MSH3: variants seen among roughly 807,000 people sequenced by gnomAD.
MSH3 encodes the protein DNA mismatch repair protein Msh3.
In MSH3, 106 loss-of-function variants were observed where a neutral mutation model predicts 123.3. That is an observed-to-expected ratio of 0.86 (90% confidence interval 0.73 to 1.01). The LOEUF (loss-of-function observed/expected upper bound fraction) is 1.01, where lower values mean the gene tolerates loss of function less well. Among genes scored for constraint, MSH3 ranks in the 50% least tolerant of loss-of-function variants. The pLI, the probability that MSH3 is intolerant of heterozygous loss-of-function variation, is 0.00. For synonymous variants in MSH3, 515 were observed against 481.4 expected, an observed-to-expected ratio of 1.07 and a Z score of -0.91; for missense variants, 1,459 against 1,347.6, an observed-to-expected ratio of 1.08 and a Z score of -1.29.
At chr5:80,837,021 G>A (rs1163049851) in intron 20 of MSH3, among the ~76,000 whole-genome samples, 1 of 152,178 alleles carries the variant, frequency 6.6e-6, no homozygotes, top group Admixed American at 6.5e-5. Context: ...TGTGCAGAAG[G>A]AGAGGAGACT....
chr5:80,715,694 A>G (rs1266567477), intron 8 of MSH3, among the ~76,000 whole-genome samples: 1 of 152,126 alleles, frequency 6.6e-6, no homozygotes, highest in Non-Finnish European at 1.5e-5. Context: ...GTCGTGGCAG[A>G]AGGTGAAGGG....
chr5:80,764,151 T>C (rs1293067159), intron 13 of MSH3, among the ~76,000 whole-genome samples: 4 of 152,242 alleles, frequency 2.6e-5, no homozygotes, highest in Non-Finnish European at 5.9e-5. Context: ...CTAAATAAGC[T>C]TCTACTGTGT....
chr5:80,793,754 A>C (rs757705257), intron 19 of MSH3, among the ~76,000 whole-genome samples: 4 of 152,180 alleles, frequency 2.6e-5, no homozygotes, highest in Non-Finnish European at 4.4e-5. Context: ...ACTCATATCA[A>C]GAAATTTGCA....
chr5:80,659,394 ACCT>A (rs1749376303), intron 2 of MSH3, among the ~76,000 whole-genome samples: 1 of 151,968 alleles, frequency 6.6e-6, no homozygotes, highest in East Asian at 1.9e-4. Context: ...ATTAACAGCC[ACCT>A]CCTGTTCTGC....
intron 20 of MSH3, among the ~76,000 whole-genome samples, chr5:80,839,853 A>G (rs1207611930): frequency 6.6e-6 from 1 of 152,202 alleles, no homozygotes; most frequent in Non-Finnish European, 1.5e-5. Flanking sequence ...ACTGAAAACT[A>G]GGAGGATTCC....
chr5:80,844,468 C>T (rs1355513259), intron 20 of MSH3, among the ~76,000 whole-genome samples: 2 of 152,136 alleles, frequency 1.3e-5, no homozygotes, highest in Admixed American at 1.3e-4. Flanking sequence ...AACCTTCTGT[C>T]TCATTGATCT....
chr5:80,852,402 A>C (rs1215221772), intron 20 of MSH3, among the ~76,000 whole-genome samples: 1 of 152,142 alleles, frequency 6.6e-6, no homozygotes, highest in Non-Finnish European at 1.5e-5. Context: ...ATGACCCCCC[A>C]AAATATTTCC....
At chr5:80,739,055 A>G (rs1743564921) in intron 10 of MSH3, among the ~76,000 whole-genome samples, 1 of 152,218 alleles carries the variant, frequency 6.6e-6, no homozygotes, top group South Asian at 2.1e-4. Flanking sequence ...CAAACTGCCC[A>G]TTCTGAGGTA....
intron 18 of MSH3, among the ~76,000 whole-genome samples, chr5:80,792,012 A>G (rs1320309144): frequency 2.0e-5 from 3 of 152,230 alleles, no homozygotes; most frequent in Non-Finnish European, 4.4e-5. Context: ...CTTGTATCAA[A>G]GTAAAAGATA....
chr5:80,732,824 C>G (rs899357134), intron 10 of MSH3, among the ~76,000 whole-genome samples: 4 of 152,128 alleles, frequency 2.6e-5, no homozygotes, highest in Admixed American at 6.5e-5. Context: ...AGATTCAACA[C>G]CCCTTCATGA....
At chr5:80,838,414 A>G (rs773179490) in intron 20 of MSH3, among the ~76,000 whole-genome samples, 3 of 152,208 alleles carry the variant, frequency 2.0e-5, no homozygotes, top group Non-Finnish European at 4.4e-5. Context: ...ATAAAGATCT[A>G]CGTCTCATGA....
intron 10 of MSH3, among the ~76,000 whole-genome samples, chr5:80,732,843 G>T (rs931722976): frequency 1.3e-5 from 2 of 152,126 alleles, no homozygotes; most frequent in African/African-American, 2.4e-5. Flanking sequence ...GATAAAAAAC[G>T]CTCAAAAAAC....
rs1580060087 is a variant in MSH3, at chr5:80,805,075, T to C, written c.2656-8509T>C. On this transcript the variant is annotated intron_variant, in intron 19 of 23. Coordinates refer to ENST00000265081, the MANE Select transcript of MSH3 (RefSeq NM_002439.5). Reference sequence around the variant, plus strand: ...CAAAAGACCCACAGGAATCCACCCGTCATCTCCAGAAAGTGAAGTTTTTAT... The same window carrying C: ...CAAAAGACCCACAGGAATCCACCCGCCATCTCCAGAAAGTGAAGTTTTTAT... 3.3e-5 allele frequency among the ~76,000 whole-genome samples: 5 copies of C among 152,360 alleles called. 1 individual carries two copies. Among genetic ancestry groups the C allele is most frequent in the Admixed American group, 3.3e-4 (5 of 15,304 alleles).
In MSH3 at chr5:80,794,915, G is replaced by A. The variant is rs6151858; in HGVS notation, c.2655+2071G>A. On this transcript the variant is annotated intron_variant, in intron 19 of 23. Coordinates refer to ENST00000265081, the MANE Select transcript of MSH3 (RefSeq NM_002439.5). ...GGTACATGGTCCATGGTTGGATGTG[G>A]CAGAAAGGTCAGCGCCCAAATGAGA... Among the ~76,000 whole-genome samples the A allele has an allele frequency of 3.4e-3, 522 of 152,314 alleles. 1 individual carries two copies. The highest frequency in any genetic ancestry group is 0.012 in the African/African-American group (501 of 41,558).
chr5:80,868,644 A>G, intron 22 of MSH3, among the ~76,000 whole-genome samples: 1 of 145,016 alleles, frequency 6.9e-6, no homozygotes, highest in Non-Finnish European at 1.5e-5. Flanking sequence ...GAGGGAGAGG[A>G]TCAGGAAGAA....
In MSH3 at chr5:80,821,548, C is replaced by T. The variant is rs115302256; in HGVS notation, c.2813+7807C>T. Among the ~76,000 whole-genome samples, 933 of 152,244 alleles carry T rather than the reference C, an allele frequency of 6.1e-3. 8 individuals carry two copies. The highest frequency in any genetic ancestry group is 0.019 in the African/African-American group (781 of 41,536). On this transcript the variant is annotated intron_variant, in intron 20 of 23. Coordinates refer to ENST00000265081, the MANE Select transcript of MSH3 (RefSeq NM_002439.5). Reference sequence around the variant, plus strand: ...ATTAATTAATTAATAAAGAATTACACGTGCCAGTTTAAAAAGAAATATGCA... The same window carrying T: ...ATTAATTAATTAATAAAGAATTACATGTGCCAGTTTAAAAAGAAATATGCA...
At chr5:80,849,151 A>C (rs1286234626) in intron 20 of MSH3, among the ~76,000 whole-genome samples, 2 of 152,184 alleles carry the variant, frequency 1.3e-5, no homozygotes, top group Admixed American at 6.5e-5. Context: ...TTTTGACTCC[A>C]TGCCTCACAT....
rs144855073 is a variant in MSH3, at chr5:80,744,562, A to G, written c.1710A>G (p.Ser570=). Residue 570 remains serine, a synonymous_variant, in exon 12 of 24, where the codon TCA becomes TCG. Coordinates refer to ENST00000265081, the MANE Select transcript of MSH3 (RefSeq NM_002439.5). Reference sequence around the variant, plus strand: ...GGGTTTTAGACCACACTAAAACTTCATTTGGGAGACGGAAGTTAAAGAAGT... The same window carrying G: ...GGGTTTTAGACCACACTAAAACTTCGTTTGGGAGACGGAAGTTAAAGAAGT... ...LLWVLDHTKT[S]FGRRKLKKWV... 4 of 1,613,872 alleles carry G rather than the reference A, an allele frequency of 2.5e-6. No individual in the cohort carries two copies. Among genetic ancestry groups the G allele is most frequent in the Admixed American group, 3.3e-5 (2 of 60,010 alleles).
At chr5:80,767,618 A>G (rs1377570585) in intron 13 of MSH3, among the ~76,000 whole-genome samples, 2 of 152,132 alleles carry the variant, frequency 1.3e-5, no homozygotes, top group South Asian at 2.1e-4. Flanking sequence ...GTTATGCCTT[A>G]CAGATATTAT....
Sources: gnomAD v4.1 joint callset for allele counts (sites outside exome capture counted in the v4.1 genomes callset) on GRCh38, gnomAD v4.1.1 for gene constraint, MANE v1.5 for transcripts, NCBI Gene and HGNC (gene_info 2026-07-23, HGNC 2026-07-21) for gene names.